Variants in TENT4A observed in about 807,000 individuals in gnomAD.
TENT4A encodes DNA polymerase kappa.
Under a neutral mutation model 72.8 loss-of-function variants are expected in TENT4A, and 7 were observed. The ratio of observed to expected loss-of-function variants is 0.10; its 90% CI spans 0.05 to 0.18. The LOEUF (loss-of-function observed/expected upper bound fraction) is 0.18, where lower values mean the gene tolerates loss of function less well. Ranked by LOEUF, TENT4A falls within the 10% of genes least tolerant of loss-of-function variation. The pLI is 1.00. For missense variants in TENT4A, 831 were observed against 1,017.7 expected, an observed-to-expected ratio of 0.82 and a Z score of 2.50; for synonymous variants, 456 against 434.3, an observed-to-expected ratio of 1.05 and a Z score of -0.62.
intron 7 of TENT4A, among the ~76,000 whole-genome samples, chr5:6,746,653 T>A (rs888371374): frequency 3.9e-5 from 6 of 152,272 alleles, no homozygotes; most frequent in Admixed American, 3.9e-4. Flanking sequence ...AAAGAAGAAT[T>A]AAGGAAAATC....
intron 1 of TENT4A, among the ~76,000 whole-genome samples, chr5:6,734,983 G>T (rs1294622477): frequency 3.3e-5 from 5 of 152,226 alleles, no homozygotes; most frequent in East Asian, 1.9e-4. Context: ...AGTAGGGGAT[G>T]CCCCTGAGGG....
At chr5:6,715,888 CCT>C (rs1201139238) in intron 1 of TENT4A, among the ~76,000 whole-genome samples, 97 of 152,304 alleles carry the variant, frequency 6.4e-4, no homozygotes, top group African/African-American at 2.2e-3. Context: ...AGCGCAGACT[CCT>C]CTTCTCTCCC....
intron 1 of TENT4A, among the ~76,000 whole-genome samples, chr5:6,722,731 G>A (rs1413909577): frequency 1.3e-5 from 2 of 152,066 alleles, no homozygotes; most frequent in Non-Finnish European, 2.9e-5. Flanking sequence ...GCACATAGTA[G>A]AAGGAGTGGA....
chr5:6,752,272 G>A (rs274678), intron 11 of TENT4A, among the ~76,000 whole-genome samples: 44,136 of 152,156 alleles, frequency 0.29, 6,866 homozygotes, highest in East Asian at 0.4. Flanking sequence ...GGGACGCTGA[G>A]GGTTTATAGG....
At chr5:6,726,347 A>G (rs947886279) in intron 1 of TENT4A, among the ~76,000 whole-genome samples, 1 of 152,132 alleles carries the variant, frequency 6.6e-6, no homozygotes, top group Non-Finnish European at 1.5e-5. Context: ...CCTCATGCTC[A>G]TCATCAGGAG....
At chr5:6,730,877 T>G (rs1329993571) in intron 1 of TENT4A, among the ~76,000 whole-genome samples, 1 of 152,156 alleles carries the variant, frequency 6.6e-6, no homozygotes, top group Admixed American at 6.5e-5. Flanking sequence ...GCTTATTAAC[T>G]GTATCAGTAA....
intron 1 of TENT4A, among the ~76,000 whole-genome samples, chr5:6,729,224 G>A (rs1741086412): frequency 6.6e-6 from 1 of 152,220 alleles, no homozygotes; most frequent in Non-Finnish European, 1.5e-5. Context: ...GTTACCATAT[G>A]TCTAATGAAT....
chr5:6,742,379 T>C, intron 4 of TENT4A, 111 bp from the exon 5 acceptor site: 2 of 688,648 alleles, frequency 2.9e-6, no homozygotes, highest in East Asian at 5.5e-5. Context: ...CTGACCCCCT[T>C]TCATTACTAA....
chr5:6,743,697 T>C lies in TENT4A; in HGVS notation c.1117-15T>C. 6.3e-7 allele frequency: 1 copy of C among 1,585,888 alleles called. No individual in the cohort carries two copies. Among genetic ancestry groups the C allele is most frequent in the Non-Finnish European group, 8.6e-7 (1 of 1,157,770 alleles). Reference sequence around the variant, plus strand: ...GGTAATTACTCAGTAAATCTTTTTCTTTTGGAATTTACAGAAATATTCATT... The same window carrying C: ...GGTAATTACTCAGTAAATCTTTTTCCTTTGGAATTTACAGAAATATTCATT... On this transcript the variant is annotated splice_polypyrimidine_tract_variant and intron_variant, in intron 5 of 12. Transcript: ENST00000230859.
chr5:6,733,392 T>C (rs1024048877), intron 1 of TENT4A, among the ~76,000 whole-genome samples: 1 of 152,262 alleles, frequency 6.6e-6, no homozygotes, highest in African/African-American at 2.4e-5. Context: ...CAGGGCTGCC[T>C]AGGGCTCTCA....
chr5:6,721,311 A>G (rs1335459960), intron 1 of TENT4A, among the ~76,000 whole-genome samples: 1 of 152,240 alleles, frequency 6.6e-6, no homozygotes, highest in Non-Finnish European at 1.5e-5. Flanking sequence ...TGTTTGTCTT[A>G]GAATTTTAAA....
chr5:6,747,927 GT>G, intron 7 of TENT4A, among the ~76,000 whole-genome samples: 1 of 152,310 alleles, frequency 6.6e-6, no homozygotes, highest in East Asian at 1.9e-4. Context: ...TTTTCCACAC[GT>G]GAGAATTCAC....
chr5:6,714,734 G>C, intron 1 of TENT4A, 35 bp downstream of exon 1: 1 of 1,145,756 alleles, frequency 8.7e-7, no homozygotes, highest in Non-Finnish European at 1.1e-6. Context: ...GGCGGGGGCG[G>C]GGCCCATGGT....
At position 6,714,515 on chromosome 5, in the gene TENT4A, C is replaced by G; in HGVS notation, c.532C>G (p.Pro178Ala). 8.4e-7 allele frequency: 1 copy of G among 1,190,978 alleles called. No homozygotes were observed. Among genetic ancestry groups the G allele is most frequent in the East Asian group, 3.6e-5 (1 of 28,034 alleles). The allele number at this position is 1,190,978 out of a possible 1,614,324, so 73.8% of individuals were successfully genotyped here. A position where few individuals can be genotyped will look rare whatever the true frequency, so the allele number is the denominator to read the frequency against. ...GPRGPAPAGS[P>A]SQHQFHPGRR... ...GCGCGGCCCCGCGCCCGCCGGCTCC[C>G]CGTCGCAGCACCAGTTCCACCCGGG... is the stretch of plus-strand genomic sequence containing the variant. The change falls in exon 1 of 13, where the codon CCG becomes GCG. Residue 178 changes from proline (P) to alanine (A), a missense_variant. Transcript: ENST00000230859.
At chr5:6,737,676 A>G (rs774207262) in intron 2 of TENT4A, 43 bp downstream of exon 2, 11 of 1,594,964 alleles carry the variant, frequency 6.9e-6, no homozygotes, top group Admixed American at 5.4e-5. Flanking sequence ...GTCACGTGCG[A>G]GTAAATTTAA....
intron 11 of TENT4A, chr5:6,751,523 C>T (rs980659912): frequency 1.6e-5 from 4 of 257,858 alleles, no homozygotes; most frequent in Admixed American, 5.0e-5. Context: ...GACTCAGTCA[C>T]GACCCACTTA....
chr5:6,745,043 G>T (rs1742012666), intron 6 of TENT4A, among the ~76,000 whole-genome samples: 1 of 152,202 alleles, frequency 6.6e-6, no homozygotes, highest in South Asian at 2.1e-4. Flanking sequence ...ACATCCCTGT[G>T]CCTTGTCCAG....
rs566227149 is a variant in TENT4A at position 6,751,341 on chromosome 5, A to C, written c.2019+144A>C. ...TGGCCATTGGTGTGTTGTTCTAGGAAATCCTCTCTTTTTTGTGGTGTTGAG... is the reference window on the plus strand; with the variant it reads ...TGGCCATTGGTGTGTTGTTCTAGGACATCCTCTCTTTTTTGTGGTGTTGAG... On this transcript the variant is annotated intron_variant, in intron 11 of 12. Transcript: ENST00000230859. 4.6e-4 allele frequency: 380 copies of C among 827,328 alleles called. 3 individuals carry two copies. In the South Asian group the frequency reaches 6.2e-3, roughly 14 times the overall value. The allele number at this position is 827,328 out of a possible 1,614,324, so 51.2% of individuals were successfully genotyped here. A position where few individuals can be genotyped will look rare whatever the true frequency, so the allele number is the denominator to read the frequency against.
At chr5:6,722,788 G>T (rs997274264) in intron 1 of TENT4A, among the ~76,000 whole-genome samples, 1 of 152,144 alleles carries the variant, frequency 6.6e-6, no homozygotes, top group African/African-American at 2.4e-5. Flanking sequence ...AGTGTTCTGT[G>T]TATAGTGAAG....
Sources: gnomAD v4.1 joint callset for allele counts (sites outside exome capture counted in the v4.1 genomes callset) on GRCh38, gnomAD v4.1.1 for gene constraint, MANE v1.5 for transcripts, NCBI Gene and HGNC (gene_info 2026-07-23, HGNC 2026-07-21) for gene names.